CACNA1A: variants seen among roughly 807,000 people sequenced by gnomAD.
CACNA1A encodes the protein calcium voltage-gated channel subunit alpha1 A, also known as voltage-dependent P/Q-type calcium channel subunit alpha-1A.
A neutral mutation model predicts 262.4 loss-of-function variants in CACNA1A; 57 were observed. The observed-to-expected ratio is 0.22, with a 90% CI of 0.18 to 0.27. The LOEUF is 0.27. Among genes scored for constraint, CACNA1A ranks in the 10% least tolerant of loss-of-function variants. CACNA1A has a pLI of 1.00. For missense variants in CACNA1A, 2,526 were observed against 3,562.8 expected (o/e 0.71, Z 7.41); for synonymous variants, 1,431 against 1,419.3 (o/e 1.01, Z -0.18).
chr19:13,424,113 C>T (rs1266810046), intron 3 of CACNA1A, among the ~76,000 whole-genome samples: 5 of 152,146 alleles, frequency 3.3e-5, no homozygotes, highest in African/African-American at 1.2e-4. Context: ...CTTTGGGAGG[C>T]CGAGGCTGGC....
chr19:13,487,184 TTAAC>T (rs1432726168), intron 1 of CACNA1A, among the ~76,000 whole-genome samples: 1 of 152,162 alleles, frequency 6.6e-6, no homozygotes, highest in African/African-American at 2.4e-5. Flanking sequence ...TATTAAATAT[TTAAC>T]TAGGAGAAAC....
intron 24 of CACNA1A, chr19:13,263,446 GGT>G: frequency 6.5e-6 from 1 of 153,466 alleles, no homozygotes; most frequent in South Asian, 2.0e-4. Flanking sequence ...TGGGATTACA[GGT>G]GTGAGCCACT....
intron 24 of CACNA1A, chr19:13,273,237 G>A (rs993563893): frequency 2.0e-5 from 3 of 152,140 alleles, no homozygotes; most frequent in Non-Finnish European, 2.9e-5. Context: ...AAATGCTAGG[G>A]TTACAGGCGT....
At chr19:13,222,394 CTT>C (rs71168689) in intron 38 of CACNA1A, among the ~76,000 whole-genome samples, 126 of 91,120 alleles carry the variant, frequency 1.4e-3, no homozygotes, top group East Asian at 4.1e-3. Context: ...GCCTTCTCGG[CTT>C]TTTTTTTTTT....
rs538491811 is a variant in CACNA1A, at chr19:13,453,777, C to T, written c.400-762G>A. Among the ~76,000 whole-genome samples, 14 of 152,270 alleles carry T rather than the reference C, an allele frequency of 9.2e-5. 1 individual carries two copies. In the South Asian group the frequency reaches 1.9e-3, roughly 20 times the overall value. On this transcript the variant is annotated intron_variant, in intron 2 of 46. Coordinates refer to ENST00000360228, the MANE Select transcript of CACNA1A (RefSeq NM_001127222.2). The stretch of plus-strand genomic sequence containing the variant: ...TCCCATCTGTTACAGCAACGTTTCT[C>T]GAGCTACAATCATTTTCACTCTGCC...
Position 13,416,498 on chromosome 19 carries a change from TG to T in CACNA1A, c.539+36377del, listed in dbSNP as rs761431580. Among the ~76,000 whole-genome samples, 3 of 152,094 alleles carry T rather than the reference TG, an allele frequency of 2.0e-5. No homozygotes were observed. The East Asian group carries it at 5.8e-4, about 29-fold the overall frequency. ...GAATTCGGGACCAGCCTAGCCAACA[TG>T]GTGAAACCCTGTCTCTACTAAAACT... On this transcript the variant is annotated intron_variant, in intron 3 of 46. Transcript: ENST00000360228.
At chr19:13,448,688 C>G (rs1328664828) in intron 3 of CACNA1A, among the ~76,000 whole-genome samples, 2 of 152,178 alleles carry the variant, frequency 1.3e-5, no homozygotes, top group Non-Finnish European at 2.9e-5. Context: ...AGCAGTTCCA[C>G]TCCTGGGTAC....
At chr19:13,218,557 C>T (rs1406334859) in intron 38 of CACNA1A, among the ~76,000 whole-genome samples, 2 of 152,032 alleles carry the variant, frequency 1.3e-5, no homozygotes, top group African/African-American at 2.4e-5. Flanking sequence ...AGATGCCCTT[C>T]CTTTGCGCAT....
intron 31 of CACNA1A, among the ~76,000 whole-genome samples, chr19:13,238,595 ATT>A (rs113456944): frequency 6.8e-6 from 1 of 147,444 alleles, no homozygotes; most frequent in African/African-American, 2.5e-5. Flanking sequence ...ATCACCCAGT[ATT>A]TTTTTTTTAA....
Position 13,207,859 on chromosome 19 carries a change from CTG to C in CACNA1A, c.6973_6974del (p.Gln2325GlyfsTer177). On this transcript the variant is annotated frameshift_variant, in exon 47 of 47. Transcript: ENST00000360228. LOFTEE classifies it low-confidence loss of function (END_TRUNC). The surrounding 1 kb of genome is among the most constrained non-coding windows in gnomAD (Gnocchi z 5.7). ...CCGCCCGGCCCGGCCTGGCCACCGC[CTG>C]CTGCTGCTGCTGCTGCTGCTGCTGC... is the stretch of plus-strand genomic sequence containing the variant. ...QQQQQQQQQQ[Q>X]AVARPGRAAT... is the part of the protein sequence containing the mutation. 5 of 132,016 alleles carry C rather than the reference CTG, an allele frequency of 3.8e-5. No individual in the cohort carries two copies. The highest frequency in any genetic ancestry group is 4.8e-5 in the Non-Finnish European group (5 of 103,350). 8.2% of individuals were successfully genotyped at this position (132,016 alleles called of 1,614,324 possible). A position where few individuals can be genotyped will look rare whatever the true frequency, so the allele number is the denominator to read the frequency against.
chr19:13,426,409 C>G (rs2060404227), intron 3 of CACNA1A, among the ~76,000 whole-genome samples: 1 of 152,134 alleles, frequency 6.6e-6, no homozygotes, highest in African/African-American at 2.4e-5. Context: ...GCTGCCACAA[C>G]TGGGGAGGGG....
intron 1 of CACNA1A, among the ~76,000 whole-genome samples, chr19:13,456,092 G>A (rs1357650723): frequency 6.6e-6 from 1 of 151,826 alleles, no homozygotes; most frequent in Non-Finnish European, 1.5e-5. Flanking sequence ...GGAGGTTGCA[G>A]TGAGCCGAGA....
At chr19:13,396,875 G>A (rs1362629007) in intron 3 of CACNA1A, among the ~76,000 whole-genome samples, 1 of 152,154 alleles carries the variant, frequency 6.6e-6, no homozygotes, top group Non-Finnish European at 1.5e-5. Flanking sequence ...GATGAGGGGA[G>A]GGAAAGAGAT....
intron 6 of CACNA1A, among the ~76,000 whole-genome samples, chr19:13,348,957 G>A (rs940184557): frequency 4.1e-5 from 6 of 145,226 alleles, no homozygotes; most frequent in Admixed American, 7.0e-5. Context: ...GTAGTGAGCC[G>A]AGATTGCGCC....
At chr19:13,444,650 G>A (rs1032584346) in intron 3 of CACNA1A, among the ~76,000 whole-genome samples, 14 of 152,122 alleles carry the variant, frequency 9.2e-5, no homozygotes, top group Admixed American at 9.2e-4. Context: ...GGCTCTAGTG[G>A]CAGAACCTGA....
At chr19:13,255,318 C>A (rs928505668) in intron 28 of CACNA1A, 59 bp from the exon 29 acceptor site, 29 of 1,472,168 alleles carry the variant, frequency 2.0e-5, no homozygotes, top group Admixed American at 2.1e-5. Flanking sequence ...GGCTGTACAC[C>A]GGGCACCCTC....
At chr19:13,380,755 T>G (rs929462837) in intron 3 of CACNA1A, among the ~76,000 whole-genome samples, 1 of 101,812 alleles carries the variant, frequency 9.8e-6, no homozygotes, top group African/African-American at 9.7e-5. Context: ...GTTTGTTTAT[T>G]TATTTATTTA....
intron 1 of CACNA1A, among the ~76,000 whole-genome samples, chr19:13,467,477 T>A (rs899313844): frequency 6.6e-6 from 1 of 152,080 alleles, no homozygotes; most frequent in Non-Finnish European, 1.5e-5. Flanking sequence ...TGAGACCCTA[T>A]CTTTTAAAAT....
At position 13,308,633 on chromosome 19, in the gene CACNA1A, C is replaced by T; in HGVS notation, c.1669-105G>A. 4 of 648,382 alleles carry T rather than the reference C, an allele frequency of 6.2e-6. No homozygotes were observed. The highest frequency in any genetic ancestry group is 8.0e-6 in the Non-Finnish European group (3 of 372,964). 40.2% of individuals were successfully genotyped at this position (648,382 alleles called of 1,614,324 possible). On this transcript the variant is annotated intron_variant, in intron 12 of 46. Coordinates refer to ENST00000360228, the MANE Select transcript of CACNA1A (RefSeq NM_001127222.2). The surrounding 1 kb of genome is among the most constrained non-coding windows in gnomAD (Gnocchi z 4.2). Reference sequence around the variant, plus strand: ...TTGCAAGAACTCAACCAAACTCCTCCCTCCAAATGGAAGCCGGGTGAGGAT... The same window carrying T: ...TTGCAAGAACTCAACCAAACTCCTCTCTCCAAATGGAAGCCGGGTGAGGAT...
Sources: allele counts gnomAD v4.1 joint callset (sites outside exome capture counted in the v4.1 genomes callset), GRCh38; gene constraint gnomAD v4.1.1; non-coding constraint Gnocchi (gnomAD v3.1); transcripts MANE v1.5; gene names NCBI Gene and HGNC (gene_info 2026-07-23, HGNC 2026-07-21).